ACSL1: variants seen among roughly 807,000 people sequenced by gnomAD.
The protein encoded by ACSL1 is acyl-CoA synthetase long chain family member 1, also known as long-chain-fatty-acid--CoA ligase 1.
ACSL1 carries 41 observed loss-of-function variants against 98.4 expected under a neutral mutation model. The ratio of observed to expected loss-of-function variants is 0.42; its 90% confidence interval spans 0.32 to 0.54. The LOEUF is 0.54. Among genes scored for constraint, ACSL1 ranks in the 20% least tolerant of loss-of-function variants. ACSL1 has a pLI of 0.13. For missense variants in ACSL1, 734 were observed against 883.1 expected (o/e 0.83, Z 2.14); for synonymous variants, 316 against 322.7 (o/e 0.98, Z 0.22).
rs756367755 is a variant in ACSL1 at position 184,765,871 on chromosome 4, C to T, written c.1359+20G>A. 1.4e-5 allele frequency: 23 copies of T among 1,605,748 alleles called. No individual in the cohort carries two copies. The highest frequency in any genetic ancestry group is 3.4e-5 in the Admixed American group (2 of 59,524). ...GGCATCCTAGTGTGGGAGAATCAGG[C>T]GCCGTGACATCCACCTCACCTGACA... On this transcript the variant is annotated intron_variant, in intron 14 of 20. Transcript: ENST00000281455.
At chr4:184,778,212 G>A (rs760055184) in intron 5 of ACSL1, among the ~76,000 whole-genome samples, 2 of 152,128 alleles carry the variant, frequency 1.3e-5, no homozygotes, top group African/African-American at 4.8e-5. Context: ...CACTGCCTCC[G>A]GCTGCACCTT....
At chr4:184,775,477 A>C (rs1414551000) in intron 7 of ACSL1, among the ~76,000 whole-genome samples, 1 of 152,196 alleles carries the variant, frequency 6.6e-6, no homozygotes, top group Non-Finnish European at 1.5e-5. Flanking sequence ...AAGTAAAAAA[A>C]CAGAAGTGGG....
chr4:184,800,621 TC>T (rs1377856624), intron 2 of ACSL1, among the ~76,000 whole-genome samples: 1 of 152,158 alleles, frequency 6.6e-6, no homozygotes, highest in African/African-American at 2.4e-5. Flanking sequence ...GCAAAATCCT[TC>T]AGAAGATAGA....
At chr4:184,794,170 T>C (rs7686479) in intron 2 of ACSL1, among the ~76,000 whole-genome samples, 21,810 of 152,254 alleles carry the variant, frequency 0.14, 1,734 homozygotes, top group African/African-American at 0.19. Flanking sequence ...CATCTTAGCC[T>C]GCTCAGAACT....
At chr4:184,797,594 T>G (rs1405833803) in intron 2 of ACSL1, among the ~76,000 whole-genome samples, 2 of 152,230 alleles carry the variant, frequency 1.3e-5, no homozygotes, top group African/African-American at 2.4e-5. Flanking sequence ...TGCTGTTGAT[T>G]GAGCGTGGCT....
rs370586770 is a variant in ACSL1 at position 184,769,167 on chromosome 4, G to C, written c.994-717C>G. Among the ~76,000 whole-genome samples the C allele has an allele frequency of 4.6e-5, 7 of 151,902 alleles. No individual in the cohort carries two copies. In the South Asian group the frequency reaches 1.5e-3, roughly 32 times the overall value. ...AACTTCTTGCCTAGAGTCCAAGTTT[G>C]TTAAAGTCTCACTTTCTTTTGTTTG... On this transcript the variant is annotated intron_variant, in intron 11 of 20. Transcript: ENST00000281455.
At chr4:184,758,037 C>T in intron 18 of ACSL1, 117 bp from the exon 19 acceptor site, 1 of 956,760 alleles carries the variant, frequency 1.0e-6, no homozygotes, top group Non-Finnish European at 1.6e-6. Context: ...TATGGCTCAT[C>T]TATTCAGAAC....
intron 1 of ACSL1, among the ~76,000 whole-genome samples, chr4:184,812,982 A>G (rs923780304): frequency 1.4e-4 from 21 of 152,150 alleles, no homozygotes; most frequent in Non-Finnish European, 1.5e-5. Flanking sequence ...CGGCCACCTG[A>G]GATGTACGGA....
At chr4:184,821,139 C>T (rs1455376370) in intron 1 of ACSL1, 2 of 456,126 alleles carry the variant, frequency 4.4e-6, no homozygotes, top group East Asian at 6.9e-5. Flanking sequence ...GTCTGCTGCT[C>T]TCATCACTGC....
chr4:184,824,505 G>GT (rs1211011829), intron 1 of ACSL1, among the ~76,000 whole-genome samples: 1 of 152,136 alleles, frequency 6.6e-6, no homozygotes, highest in African/African-American at 2.4e-5. Flanking sequence ...AAGGGGAGAG[G>GT]TATAAGGTGT....
Position 184,773,185 on chromosome 4 carries a change from T to A in ACSL1, c.842-31A>T. 6.3e-7 allele frequency: 1 copy of A among 1,587,950 alleles called. No homozygotes were observed. Among genetic ancestry groups the A allele is most frequent in the Non-Finnish European group, 8.6e-7 (1 of 1,157,110 alleles). On this transcript the variant is annotated intron_variant, in intron 9 of 20. Coordinates refer to ENST00000281455, the MANE Select transcript of ACSL1 (RefSeq NM_001995.5). This position sits in a 1 kb window ranked among gnomAD's most constrained non-coding sequence, Gnocchi z 4.3. ...GAGCACATATGAAGCAGAACAAAGTTAAAGAATGACAGAAATGAAGGAGGC... is the reference window on the plus strand; with the variant it reads ...GAGCACATATGAAGCAGAACAAAGTAAAAGAATGACAGAAATGAAGGAGGC...
chr4:184,819,472 G>C (rs1339819182), intron 1 of ACSL1, among the ~76,000 whole-genome samples: 1 of 152,062 alleles, frequency 6.6e-6, no homozygotes, highest in East Asian at 1.9e-4. Flanking sequence ...CTTTATCCCA[G>C]CAAAAGCACA....
chr4:184,816,369 A>G (rs914159127), intron 1 of ACSL1, among the ~76,000 whole-genome samples: 2 of 152,196 alleles, frequency 1.3e-5, no homozygotes, highest in Non-Finnish European at 2.9e-5. Context: ...GACATGAGCT[A>G]AAATTACACA....
chr4:184,775,523 A>C (rs1449713142), intron 7 of ACSL1, among the ~76,000 whole-genome samples: 1 of 152,192 alleles, frequency 6.6e-6, no homozygotes, highest in Admixed American at 6.5e-5. Context: ...ACCCCAATTC[A>C]ACAAGGAAGC....
intron 3 of ACSL1, 84 bp from the exon 4 acceptor site, chr4:184,784,075 T>A (rs945011580): frequency 9.1e-7 from 1 of 1,093,848 alleles, no homozygotes; most frequent in Non-Finnish European, 1.4e-6. Context: ...CGCACTCTAA[T>A]ACTAAACATC....
intron 1 of ACSL1, chr4:184,808,660 C>T (rs1286985189): frequency 9.6e-6 from 2 of 208,458 alleles, no homozygotes; most frequent in Non-Finnish European, 1.7e-5. Flanking sequence ...AGCAGCCAGG[C>T]CATTTGCTGC....
intron 2 of ACSL1, among the ~76,000 whole-genome samples, chr4:184,796,599 G>A (rs1222891497): frequency 2.6e-5 from 4 of 152,256 alleles, no homozygotes; most frequent in African/African-American, 7.2e-5. Context: ...ACACTGACCC[G>A]GAATCTGCAA....
intron 5 of ACSL1, among the ~76,000 whole-genome samples, chr4:184,778,258 G>A (rs1765625908): frequency 6.6e-6 from 1 of 152,184 alleles, no homozygotes; most frequent in East Asian, 1.9e-4. Flanking sequence ...TGACACACAG[G>A]ACAGAAAAAG....
At chr4:184,799,954 G>T (rs1252014602) in intron 2 of ACSL1, among the ~76,000 whole-genome samples, 1 of 152,050 alleles carries the variant, frequency 6.6e-6, no homozygotes, top group East Asian at 1.9e-4. Flanking sequence ...CTGGTTTACT[G>T]CCCCCTTCCC....
Sources: gnomAD v4.1 joint callset for allele counts (sites outside exome capture counted in the v4.1 genomes callset) on GRCh38, gnomAD v4.1.1 for gene constraint, Gnocchi (gnomAD v3.1) non-coding constraint, MANE v1.5 for transcripts, NCBI Gene and HGNC (gene_info 2026-07-23, HGNC 2026-07-21) for gene names.